The following PLAC1 variants were observed in gnomAD, a reference collection of about 807,000 sequenced individuals.
The protein encoded by PLAC1 is placenta-specific protein 1.
For missense variants in PLAC1, 136 were observed against 163.2 expected, an observed-to-expected ratio of 0.83 and a Z score of 0.91; for synonymous variants, 68 against 62.1, an observed-to-expected ratio of 1.09 and a Z score of -0.44.
intron 1 of PLAC1, among the ~76,000 whole-genome samples, chrX:134,642,221 G>C (rs1216352946): frequency 8.9e-6 from 1 of 111,958 alleles, no homozygotes; most frequent in African/African-American, 3.2e-5. Context: ...ACCATGGAAT[G>C]ACACATTTGA....
At chrX:134,599,454 T>G (rs1206377683) in intron 2 of PLAC1, 1 of 111,798 alleles carries the variant, frequency 8.9e-6, no homozygotes, top group African/African-American at 3.3e-5. Flanking sequence ...TGCCACCACA[T>G]GAAGAAAGAC....
At chrX:134,623,420 A>G (rs188101105) in intron 1 of PLAC1, among the ~76,000 whole-genome samples, 8 of 112,629 alleles carry the variant, frequency 7.1e-5, no homozygotes, top group Non-Finnish European at 1.1e-4. Context: ...CCGAGCACTT[A>G]ATATGTGTGT....
At chrX:134,696,901 G>A (rs1411319506) in intron 2 of PLAC1, among the ~76,000 whole-genome samples, 5 of 108,382 alleles carry the variant, frequency 4.6e-5, no homozygotes, top group Admixed American at 2.0e-4. Flanking sequence ...GCGGGGTGGC[G>A]GGCGCCTGTA....
intron 1 of PLAC1, among the ~76,000 whole-genome samples, chrX:134,735,354 C>T (rs1430295785): frequency 9.1e-6 from 1 of 110,485 alleles, no homozygotes; most frequent in Admixed American, 9.7e-5. Flanking sequence ...TATGCAATAA[C>T]CATGTGGTTG....
At chrX:134,592,720 CTTTTTTTTT>C (rs141372595) in intron 2 of PLAC1, among the ~76,000 whole-genome samples, 1 of 61,445 alleles carries the variant, frequency 1.6e-5, no homozygotes, top group East Asian at 7.2e-4. Context: ...CTCTGTGTCT[CTTTTTTTTT>C]TTTTTTTTTT....
chrX:134,565,997 A>G lies in PLAC1; in HGVS notation c.*47T>C. On this transcript the variant is annotated 3_prime_UTR_variant, in exon 3 of 3. Transcript: ENST00000359237. ...TATTTGTCAGACATTTGTACACTAT[A>G]TACTAATTCTAGAAATAGCATCTTC... 1 of 1,089,978 alleles carries G rather than the reference A, an allele frequency of 9.2e-7. No individual in the cohort carries two copies. The highest frequency in any genetic ancestry group is 1.3e-6 in the Non-Finnish European group (1 of 793,902). The allele number at this position is 1,089,978 out of a possible 1,213,427, so 89.8% of individuals were successfully genotyped here. A position where few individuals can be genotyped will look rare whatever the true frequency, so the allele number is the denominator to read the frequency against.
intron 1 of PLAC1, among the ~76,000 whole-genome samples, chrX:134,753,278 G>C (rs951735670): frequency 1.8e-5 from 2 of 111,304 alleles, no homozygotes; most frequent in African/African-American, 6.5e-5. Flanking sequence ...ATGAGCCACT[G>C]CAAGTCTCCC....
intron 2 of PLAC1, among the ~76,000 whole-genome samples, chrX:134,569,505 TC>T (rs948634131): frequency 8.9e-6 from 1 of 111,804 alleles, no homozygotes; most frequent in African/African-American, 3.3e-5. Flanking sequence ...AGCACACCCT[TC>T]AGCTCAGATA....
At chrX:134,685,449 CTTTTTTTTT>C (rs200498313) in intron 2 of PLAC1, among the ~76,000 whole-genome samples, 8 of 49,162 alleles carry the variant, frequency 1.6e-4, no homozygotes, top group East Asian at 6.2e-4. Flanking sequence ...AATGGCGTCC[CTTTTTTTTT>C]TTTTTTTTTT....
At chrX:134,581,096 A>G (rs1195608524) in intron 2 of PLAC1, among the ~76,000 whole-genome samples, 4 of 111,842 alleles carry the variant, frequency 3.6e-5, no homozygotes, top group Non-Finnish European at 5.6e-5. Context: ...TTCTGATTTC[A>G]TCATATCTTT....
At chrX:134,764,307 CCCT>C (rs1233500577) in exon 1 of PLAC1, 2 of 112,372 alleles carry the variant, frequency 1.8e-5, no homozygotes, top group Admixed American at 1.9e-4. Context: ...AGAAGCTTCA[CCCT>C]CCTCCTAGAG....
intron 2 of PLAC1, among the ~76,000 whole-genome samples, chrX:134,729,888 T>A (rs986584431): frequency 9.0e-6 from 1 of 110,764 alleles, no homozygotes; most frequent in South Asian, 3.8e-4. Context: ...ACCTCCCAGG[T>A]TCAAGTGATT....
intron 2 of PLAC1, among the ~76,000 whole-genome samples, chrX:134,578,412 C>CAA (rs1344663898): frequency 8.4e-4 from 21 of 25,024 alleles, no homozygotes; most frequent in African/African-American, 2.5e-3. Context: ...GACTCTGTCT[C>CAA]AAAAAAAAAA....
chrX:134,570,983 AG>A lies in PLAC1; in HGVS notation c.-58-4244del, dbSNP rs775722900. ...CACATATGCTCTTTTAATTAAGTTCAGAAAAATGCCAGTGTTTATGTTTAAG... is the reference window on the plus strand; with the variant it reads ...CACATATGCTCTTTTAATTAAGTTCAAAAAATGCCAGTGTTTATGTTTAAG... On this transcript the variant is annotated intron_variant, in intron 2 of 2. Transcript: ENST00000359237. Among the ~76,000 whole-genome samples the A allele has an allele frequency of 9.8e-5, 11 of 112,392 alleles. No individual in the cohort carries two copies. The East Asian group carries it at 3.1e-3, about 31-fold the overall frequency.
chrX:134,623,959 CTGA>C (rs1021050964), intron 1 of PLAC1, among the ~76,000 whole-genome samples: 10 of 111,955 alleles, frequency 8.9e-5, no homozygotes, highest in Non-Finnish European at 1.7e-4. Context: ...TTCCTCTCTG[CTGA>C]TAAGTGCATT....
At chrX:134,577,938 T>A (rs1296286041) in intron 2 of PLAC1, among the ~76,000 whole-genome samples, 1 of 110,564 alleles carries the variant, frequency 9.0e-6, no homozygotes, top group African/African-American at 3.3e-5. Flanking sequence ...CCTCTAATCC[T>A]GAGATACGGA....
At position 134,669,720 on chromosome X, in the gene PLAC1, C is replaced by T. The variant is rs1210215085; in HGVS notation, n.174+63715G>A. The stretch of plus-strand genomic sequence containing the variant: ...GTGGCTGAGAACTGCCTGGTGTGAG[C>T]GGGATGCTGGGGCAGCTTGGTGTTT... On this transcript the variant is annotated intron_variant and non_coding_transcript_variant, in intron 2 of 2. Coordinates refer to the PLAC1 transcript ENST00000466797. Among the ~76,000 whole-genome samples the T allele has an allele frequency of 4.5e-5, 5 of 112,273 alleles. No individual in the cohort carries two copies. The South Asian group carries it at 1.1e-3, about 25-fold the overall frequency.
chrX:134,647,688 G>A (rs1237680911), intron 1 of PLAC1, among the ~76,000 whole-genome samples: 1 of 111,261 alleles, frequency 9.0e-6, no homozygotes, highest in Non-Finnish European at 1.9e-5. Context: ...GAACATCCAA[G>A]CATGTGCTTA....
intron 2 of PLAC1, among the ~76,000 whole-genome samples, chrX:134,721,929 G>T (rs1188218352): frequency 2.7e-5 from 3 of 111,904 alleles, no homozygotes; most frequent in Non-Finnish European, 5.6e-5. Context: ...GGGTGTGGAA[G>T]AATTGGAACG....
Sources: allele counts gnomAD v4.1 joint callset (sites outside exome capture counted in the v4.1 genomes callset), GRCh38; gene constraint gnomAD v4.1.1; transcripts MANE v1.5; gene names NCBI Gene and HGNC (gene_info 2026-07-23, HGNC 2026-07-21).